The following ASIC2 variants were observed in gnomAD, a reference collection of about 807,000 sequenced individuals.
ASIC2 encodes acid sensing ion channel subunit 2.
A neutral mutation model predicts 57.3 loss-of-function variants in ASIC2; 25 were observed. The ratio of observed to expected loss-of-function variants is 0.44; its 90% CI spans 0.32 to 0.61. The LOEUF (loss-of-function observed/expected upper bound fraction) is 0.61. Ranked by LOEUF, ASIC2 falls within the 20% of genes least tolerant of loss-of-function variation. The probability of loss-of-function intolerance (pLI) is 0.06; values close to 1 mark genes in which losing one functional copy is unlikely to be tolerated. For synonymous variants in ASIC2, 319 were observed against 307.5 expected (o/e 1.04, Z -0.39); for missense variants, 641 against 738.1 (o/e 0.87, Z 1.52).
intron 1 of ASIC2, among the ~76,000 whole-genome samples, chr17:33,202,418 T>C (rs567098753): frequency 2.0e-4 from 31 of 152,122 alleles, no homozygotes; most frequent in Admixed American, 7.9e-4. Context: ...AGCAGGAAGA[T>C]ATTAAGTGTG....
At chr17:33,030,982 C>A (rs2091880665) in intron 3 of ASIC2, among the ~76,000 whole-genome samples, 1 of 152,088 alleles carries the variant, frequency 6.6e-6, no homozygotes, top group African/African-American at 2.4e-5. Flanking sequence ...TTTCTTATAA[C>A]CTCCTTGTCA....
chr17:33,277,963 G>A (rs538381056), intron 1 of ASIC2, among the ~76,000 whole-genome samples: 112 of 152,280 alleles, frequency 7.4e-4, no homozygotes, highest in African/African-American at 2.6e-3. Context: ...AAGAACAAGC[G>A]AATGAGTGAC....
chr17:33,830,460 G>A (rs553453522), intron 1 of ASIC2, among the ~76,000 whole-genome samples: 4 of 152,112 alleles, frequency 2.6e-5, no homozygotes, highest in African/African-American at 9.6e-5. Flanking sequence ...TGGTCATGTG[G>A]ACCTCCCATC....
chr17:33,903,252 T>A (rs901427843), intron 1 of ASIC2, among the ~76,000 whole-genome samples: 1 of 152,208 alleles, frequency 6.6e-6, no homozygotes. Flanking sequence ...ACATGAACAA[T>A]TTATGATGTT....
intron 1 of ASIC2, among the ~76,000 whole-genome samples, chr17:33,805,831 A>G (rs529533295): frequency 6.6e-6 from 1 of 152,304 alleles, no homozygotes; most frequent in Admixed American, 6.5e-5. Flanking sequence ...ATTTTTCAGA[A>G]TGTTACACAC....
At chr17:33,989,329 A>G (rs1905930079) in intron 1 of ASIC2, among the ~76,000 whole-genome samples, 1 of 152,004 alleles carries the variant, frequency 6.6e-6, no homozygotes, top group Non-Finnish European at 1.5e-5. Flanking sequence ...GGCCTCCAGG[A>G]TTGGGAGGTG....
chr17:33,047,451 A>C (rs528886456), intron 3 of ASIC2, among the ~76,000 whole-genome samples: 2 of 151,510 alleles, frequency 1.3e-5, no homozygotes, highest in East Asian at 3.9e-4. Context: ...CAACCCTCCC[A>C]CCTCAGCCTC....
At chr17:33,493,981 A>C (rs1014965675) in intron 1 of ASIC2, among the ~76,000 whole-genome samples, 1 of 152,204 alleles carries the variant, frequency 6.6e-6, no homozygotes, top group Non-Finnish European at 1.5e-5. Flanking sequence ...CAAAGGTGGG[A>C]GACTCTTACA....
chr17:33,709,650 T>G (rs1908966678), intron 1 of ASIC2, among the ~76,000 whole-genome samples: 1 of 152,262 alleles, frequency 6.6e-6, no homozygotes, highest in Non-Finnish European at 1.5e-5. Context: ...AGGACAGTTG[T>G]GTTCATGTCT....
intron 1 of ASIC2, among the ~76,000 whole-genome samples, chr17:33,555,092 C>A (rs940305091): frequency 6.6e-6 from 1 of 152,150 alleles, no homozygotes; most frequent in African/African-American, 2.4e-5. Context: ...AAATGCTCAT[C>A]CTCTCCATGT....
At chr17:33,754,724 A>G (rs1250157101) in intron 1 of ASIC2, among the ~76,000 whole-genome samples, 1 of 152,106 alleles carries the variant, frequency 6.6e-6, no homozygotes, top group Admixed American at 6.5e-5. Context: ...TGGGAGGCCG[A>G]GGCGGGCAGA....
intron 1 of ASIC2, among the ~76,000 whole-genome samples, chr17:33,779,230 T>C (rs924082305): frequency 6.6e-6 from 1 of 152,136 alleles, no homozygotes; most frequent in Non-Finnish European, 1.5e-5. Context: ...AGAATTCTGT[T>C]AAGTTCTGTT....
rs17249479 is a variant in ASIC2 at position 33,469,889 on chromosome 17, C to T, written c.556-357822G>A. On this transcript the variant is annotated intron_variant, in intron 1 of 9. Coordinates refer to the ASIC2 transcript ENST00000359872. Reference sequence around the variant, plus strand: ...ATATAGCAGCTAAGGTATTGTGGACCTACAATGTGCCAGGCATTATGGTAG... The same window carrying T: ...ATATAGCAGCTAAGGTATTGTGGACTTACAATGTGCCAGGCATTATGGTAG... Among the ~76,000 whole-genome samples the T allele has an allele frequency of 7.6e-3, 1,162 of 152,142 alleles. 58 individuals carry two copies. In the East Asian group the frequency reaches 0.1, roughly 14 times the overall value.
rs150097592 is a variant in ASIC2 at position 33,968,264 on chromosome 17, G to A, written c.555+187714C>T. Among the ~76,000 whole-genome samples, 225 of 152,262 alleles carry A rather than the reference G, an allele frequency of 1.5e-3. 1 individual carries two copies. Among genetic ancestry groups the A allele is most frequent in the African/African-American group, 4.0e-3 (166 of 41,542 alleles). On this transcript the variant is annotated intron_variant, in intron 1 of 9. Transcript: ENST00000359872. Reference sequence around the variant, plus strand: ...CCTGCTACACTGATCCAAATAAAACGGTGCCTGCCCCCCAACCCCCAATTC... The same window carrying A: ...CCTGCTACACTGATCCAAATAAAACAGTGCCTGCCCCCCAACCCCCAATTC...
chr17:33,196,835 C>T (rs1009116853), intron 1 of ASIC2, among the ~76,000 whole-genome samples: 1 of 152,214 alleles, frequency 6.6e-6, no homozygotes, highest in Admixed American at 6.5e-5. Flanking sequence ...GCTGACACCA[C>T]CAAGGGCTCC....
At chr17:33,040,412 G>A (rs1357175566) in intron 3 of ASIC2, among the ~76,000 whole-genome samples, 1 of 152,216 alleles carries the variant, frequency 6.6e-6, no homozygotes, top group Non-Finnish European at 1.5e-5. Flanking sequence ...CACTATTGGG[G>A]CAGGAATTGT....
chr17:33,175,782 C>A (rs1192600590), intron 1 of ASIC2, among the ~76,000 whole-genome samples: 1 of 152,162 alleles, frequency 6.6e-6, no homozygotes, highest in African/African-American at 2.4e-5. Flanking sequence ...CCCCGGGAGG[C>A]TCCACTTGGC....
At chr17:33,693,194 A>T (rs1329223711) in intron 1 of ASIC2, among the ~76,000 whole-genome samples, 1 of 152,206 alleles carries the variant, frequency 6.6e-6, no homozygotes, top group East Asian at 1.9e-4. Flanking sequence ...ATCCAGTAAC[A>T]TATCTTTTAA....
intron 1 of ASIC2, among the ~76,000 whole-genome samples, chr17:33,858,318 A>G (rs1004569356): frequency 5.3e-5 from 8 of 151,950 alleles, no homozygotes; most frequent in African/African-American, 1.7e-4. Flanking sequence ...TGAATTTCCA[A>G]CTCCCATGAT....
Sources: allele counts gnomAD v4.1 joint callset (sites outside exome capture counted in the v4.1 genomes callset), GRCh38; gene constraint gnomAD v4.1.1; transcripts MANE v1.5; gene names NCBI Gene and HGNC (gene_info 2026-07-23, HGNC 2026-07-21).